NAB2: variants seen among roughly 807,000 people sequenced by gnomAD.
NAB2 encodes NGFI-A-binding protein 2.
A neutral mutation model predicts 44.2 loss-of-function variants in NAB2; 9 were observed. That is an observed-to-expected ratio of 0.20 (90% CI 0.12 to 0.36). NAB2 has a LOEUF of 0.36. Among genes scored for constraint, NAB2 ranks in the 10% least tolerant of loss-of-function variants. NAB2 has a pLI of 1.00. For synonymous variants in NAB2, 342 were observed against 291.0 expected (o/e 1.18, Z -1.78); for missense variants, 514 against 709.0 (o/e 0.73, Z 3.12).
intron 1 of NAB2, among the ~76,000 whole-genome samples, chr12:57,089,690 G>A (rs994730688): frequency 2.0e-5 from 3 of 150,568 alleles, no homozygotes; most frequent in Admixed American, 1.3e-4. Context: ...GCGGAAGGTG[G>A]GGGGACGCTC....
Position 57,095,117 on chromosome 12 carries a change from T to G in NAB2, c.*396T>G, listed in dbSNP as rs2033322233. 1 of 171,186 alleles carries G rather than the reference T, an allele frequency of 5.8e-6. No individual in the cohort carries two copies. Among genetic ancestry groups the G allele is most frequent in the Admixed American group, 6.1e-5 (1 of 16,422 alleles). The allele number at this position is 171,186 out of a possible 1,614,324, so 10.6% of individuals were successfully genotyped here. On this transcript the variant is annotated 3_prime_UTR_variant, in exon 7 of 7. Transcript: ENST00000300131. The stretch of plus-strand genomic sequence containing the variant: ...GAAGGTCCAGCTAAAAGTGGCAACA[T>G]TTGCCCCCAGAATTGGGGGCCTGGG...
At chr12:57,093,738 C>A in intron 6 of NAB2, 140 bp downstream of exon 6, 1 of 944,450 alleles carries the variant, frequency 1.1e-6, no homozygotes. Context: ...CTCCAGCCAG[C>A]CAGGCCTTGG....
chr12:57,092,617 A>G, intron 3 of NAB2, 36 bp downstream of exon 3: 1 of 1,611,072 alleles, frequency 6.2e-7, no homozygotes, highest in Non-Finnish European at 8.5e-7. Context: ...CTGGACTGGA[A>G]TCCTGCTATG....
In NAB2 at chr12:57,089,216, GCAGGCGC is replaced by G; in HGVS notation, c.-54_-48del. 1 of 1,524,400 alleles carries G rather than the reference GCAGGCGC, an allele frequency of 6.6e-7. No individual in the cohort carries two copies. The highest frequency in any genetic ancestry group is 2.0e-4 in the Middle Eastern group (1 of 5,104). 94.4% of individuals were successfully genotyped at this position (1,524,400 alleles called of 1,614,324 possible). On this transcript the variant is annotated 5_prime_UTR_variant, in exon 1 of 7. Coordinates refer to ENST00000300131, the MANE Select transcript of NAB2 (RefSeq NM_005967.4). ...TGCGCGGGGAAGAGGGCAGCACGCA[GCAGGCGC>G]CGAGCGCCGGGCACCGAGAAGGGCA...
rs763432524 is a variant in NAB2 at position 57,091,101 on chromosome 12, C to G, written c.84-24C>G. On this transcript the variant is annotated intron_variant, in intron 1 of 6. Coordinates refer to ENST00000300131, the MANE Select transcript of NAB2 (RefSeq NM_005967.4). This position sits in a 1 kb window ranked among gnomAD's most constrained non-coding sequence, Gnocchi z 7.3. ...GTAGGGGGACTTGCACCGACTGCCT[C>G]TCTCTTGTGCCCCTCCTTCTCAGGC... 6.0e-6 allele frequency: 9 copies of G among 1,502,374 alleles called. No homozygotes were observed. In the South Asian group the frequency reaches 1.1e-4, roughly 18 times the overall value. 93.1% of individuals were successfully genotyped at this position (1,502,374 alleles called of 1,614,324 possible).
At chr12:57,092,883 G>T in intron 3 of NAB2, 34 bp from the exon 4 acceptor site, 1 of 1,613,174 alleles carries the variant, frequency 6.2e-7, no homozygotes, top group Non-Finnish European at 8.5e-7. Flanking sequence ...GCCCTCGTCA[G>T]CCTCATCCAC....
At chr12:57,093,636 C>CTA in intron 6 of NAB2, 38 bp downstream of exon 6, 2 of 1,448,540 alleles carry the variant, frequency 1.4e-6, no homozygotes, top group South Asian at 1.4e-5. Flanking sequence ...AGCACCCCGG[C>CTA]CACTCAGGCC....
chr12:57,093,819 A>T (rs2033258491), intron 6 of NAB2, among the ~76,000 whole-genome samples: 1 of 106,622 alleles, frequency 9.4e-6, no homozygotes, highest in East Asian at 2.7e-4. Flanking sequence ...GATCTGTGAA[A>T]GGGGAACTGG....
intron 3 of NAB2, 104 bp from the exon 4 acceptor site, chr12:57,092,813 T>C: frequency 1.3e-6 from 2 of 1,486,228 alleles, no homozygotes; most frequent in East Asian, 2.3e-5. Flanking sequence ...GCCAGCTTCT[T>C]GGCAAAGGTT....
intron 3 of NAB2, 117 bp downstream of exon 3, chr12:57,092,698 C>CT: frequency 7.0e-7 from 1 of 1,426,256 alleles, no homozygotes; most frequent in Non-Finnish European, 9.5e-7. Flanking sequence ...GGATGTCCTG[C>CT]TTTTGGCCAA....
At chr12:57,090,471 C>G (rs1435526892) in intron 1 of NAB2, among the ~76,000 whole-genome samples, 1 of 147,352 alleles carries the variant, frequency 6.8e-6, no homozygotes, top group Admixed American at 6.8e-5. Flanking sequence ...AGCGAGACTC[C>G]GTCTCAAATA....
At position 57,091,755 on chromosome 12, in the gene NAB2, G is replaced by T. The variant is rs1397862625; in HGVS notation, c.714G>T (p.Glu238Asp). 1 of 1,614,068 alleles carries T rather than the reference G, an allele frequency of 6.2e-7. No individual in the cohort carries two copies. Among genetic ancestry groups the T allele is most frequent in the Non-Finnish European group, 8.5e-7 (1 of 1,180,022 alleles). ...CTGGGGGTGGTCCAGACCGACTGGA[G>T]CCAGAGATGGTACGCATGGTGGTGG... ...GGTGGGPDRL[E>D]PEMVRMVVES... Residue 238 changes from glutamate (E) to aspartate (D), a missense_variant, in exon 2 of 7, where the codon GAG (glutamate) becomes GAT (aspartate). Physicochemically the swap from Glu to Asp is conservative, Grantham distance 45. Around this residue, in one of 5 missense-constraint regions of NAB2, gnomAD observed 177 missense variants for 200.5 expected, o/e 0.88. Coordinates refer to ENST00000300131, the MANE Select transcript of NAB2 (RefSeq NM_005967.4). This position sits in a 1 kb window ranked among gnomAD's most constrained non-coding sequence, Gnocchi z 7.3.
Position 57,093,540 on chromosome 12 carries a change from C to A in NAB2, c.1410C>A (p.Val470=). The change falls in exon 6 of 7, where the codon GTC becomes GTA. Residue 470 remains valine, a synonymous_variant. Coordinates refer to ENST00000300131, the MANE Select transcript of NAB2 (RefSeq NM_005967.4). ...MDEGLRLARL[V]SHDRVGRLSP... ...AGGGGCTGCGGCTCGCCCGCCTCGTCTCCCACGACCGCGTGGGCCGCCTCA... is the reference window on the plus strand; with the variant it reads ...AGGGGCTGCGGCTCGCCCGCCTCGTATCCCACGACCGCGTGGGCCGCCTCA... 2 of 1,553,706 alleles carry A rather than the reference C, an allele frequency of 1.3e-6. No individual in the cohort carries two copies. Among genetic ancestry groups the A allele is most frequent in the Admixed American group, 1.9e-5 (1 of 51,456 alleles).
intron 6 of NAB2, among the ~76,000 whole-genome samples, chr12:57,093,966 G>C (rs2033264870): frequency 1.3e-5 from 2 of 152,144 alleles, no homozygotes; most frequent in Non-Finnish European, 2.9e-5. Flanking sequence ...GGGATGCCCA[G>C]CTTGGAAGCA....
intron 2 of NAB2, 99 bp downstream of exon 2, chr12:57,092,097 T>C: frequency 1.4e-6 from 2 of 1,479,606 alleles, no homozygotes; most frequent in Non-Finnish European, 1.8e-6. Context: ...TTTCATTATC[T>C]CTTGACCAGG....
In NAB2 at chr12:57,089,682, G is replaced by A. The variant is rs144526242; in HGVS notation, c.83+328G>A. Among the ~76,000 whole-genome samples the A allele has an allele frequency of 9.3e-4, 140 of 151,154 alleles. 4 individuals are homozygous for A. The East Asian group carries it at 0.027, about 29-fold the overall frequency. ...CTGGAGCTCGAGCTGGCATCAGTGC[G>A]GAAGGTGGGGGGACGCTCAGTTGCC... On this transcript the variant is annotated intron_variant, in intron 1 of 6. Transcript: ENST00000300131.
At position 57,093,546 on chromosome 12, in the gene NAB2, C is replaced by A; in HGVS notation, c.1416C>A (p.His472Gln). The A allele has an allele frequency of 1.9e-6, 3 of 1,550,348 alleles. No homozygotes were observed. Among genetic ancestry groups the A allele is most frequent in the Non-Finnish European group, 2.6e-6 (3 of 1,148,588 alleles). Reference sequence around the variant, plus strand: ...TGCGGCTCGCCCGCCTCGTCTCCCACGACCGCGTGGGCCGCCTCAGCCCCT... The same window carrying A: ...TGCGGCTCGCCCGCCTCGTCTCCCAAGACCGCGTGGGCCGCCTCAGCCCCT... ...EGLRLARLVS[H>Q]DRVGRLSPCV... is the part of the protein sequence containing the mutation. Residue 472 changes from histidine to glutamine, a missense_variant, in exon 6 of 7, where the codon CAC becomes CAA. Transcript: ENST00000300131.
chr12:57,091,662 C>T lies in NAB2; in HGVS notation c.621C>T (p.Pro207=), dbSNP rs759203000. The change falls in exon 2 of 7, where the codon CCC becomes CCT. Residue 207 remains proline, a synonymous_variant. Coordinates refer to ENST00000300131, the MANE Select transcript of NAB2 (RefSeq NM_005967.4). This position sits in a 1 kb window ranked among gnomAD's most constrained non-coding sequence, Gnocchi z 7.3. ...AGGEEEAGSP[P]FSPPAGGGVP... Reference sequence around the variant, plus strand: ...GAGAAGAGGAGGCTGGCTCGCCCCCCTTCTCCCCCCCTGCAGGGGGAGGAG... The same window carrying T: ...GAGAAGAGGAGGCTGGCTCGCCCCCTTTCTCCCCCCCTGCAGGGGGAGGAG... 1.1e-5 allele frequency: 17 copies of T among 1,610,246 alleles called. No individual in the cohort carries two copies. The highest frequency in any genetic ancestry group is 1.4e-5 in the Non-Finnish European group (16 of 1,177,870).
chr12:57,093,672 G>A, intron 6 of NAB2, 74 bp downstream of exon 6: 1 of 1,384,630 alleles, frequency 7.2e-7, no homozygotes, highest in Non-Finnish European at 9.5e-7. Flanking sequence ...GGTGTCCTGG[G>A]GCCAGGTGGG....
Sources: allele counts gnomAD v4.1 joint callset (sites outside exome capture counted in the v4.1 genomes callset), GRCh38; gene constraint gnomAD v4.1.1; regional missense constraint gnomAD v4.1.1; non-coding constraint Gnocchi (gnomAD v3.1); transcripts MANE v1.5; gene names NCBI Gene and HGNC (gene_info 2026-07-23, HGNC 2026-07-21).